Variants in ENDOD1 observed in about 807,000 individuals in gnomAD.
The protein encoded by ENDOD1 is endonuclease domain-containing 1 protein.
A neutral mutation model predicts 6.5 loss-of-function variants in ENDOD1; 9 were observed. The ratio of observed to expected loss-of-function variants is 1.39; its 90% CI spans 0.84 to 2.43. The LOEUF is 2.43. Ranked by LOEUF, ENDOD1 falls within the 30% of genes most tolerant of loss-of-function variation. ENDOD1 has a pLI of 0.00. For missense variants in ENDOD1, 648 were observed against 635.5 expected, an observed-to-expected ratio of 1.02 and a Z score of -0.21; for synonymous variants, 255 against 255.2, an observed-to-expected ratio of 1.00 and a Z score of 0.01.
At chr11:95,106,623 A>G (rs1555111420) in intron 1 of ENDOD1, among the ~76,000 whole-genome samples, 1 of 152,220 alleles carries the variant, frequency 6.6e-6, no homozygotes, top group Non-Finnish European at 1.5e-5. Context: ...CACATGTTAC[A>G]TGATCAGAAT....
Position 95,129,624 on chromosome 11 carries a change from G to T in ENDOD1, c.*45G>T. 6.4e-7 allele frequency: 1 copy of T among 1,558,496 alleles called. No homozygotes were observed. The highest frequency in any genetic ancestry group is 1.2e-5 in the South Asian group (1 of 81,488). ...TCCAGTCACAGTGAATTTGAAAGCT[G>T]GAATAGTTTGTCTTTACAATGGGTT... On this transcript the variant is annotated 3_prime_UTR_variant, in exon 2 of 2. Coordinates refer to ENST00000278505, the MANE Select transcript of ENDOD1 (RefSeq NM_015036.3).
In ENDOD1 at chr11:95,119,646, C is replaced by T. The variant is rs528057686; in HGVS notation, c.301-8731C>T. 2.9e-4 allele frequency among the ~76,000 whole-genome samples: 44 copies of T among 152,330 alleles called. 1 individual carries two copies. The highest frequency in any genetic ancestry group is 2.6e-3 in the Admixed American group (40 of 15,304). On this transcript the variant is annotated intron_variant, in intron 1 of 1. Transcript: ENST00000278505. ...AGCACAGTACTTGGTTCATCCACAG[C>T]CTGCTGTAACCACTCCCTGGCTACT...
intron 1 of ENDOD1, among the ~76,000 whole-genome samples, chr11:95,099,754 A>T (rs569631492): frequency 6.6e-6 from 1 of 152,296 alleles, no homozygotes; most frequent in African/African-American, 2.4e-5. Flanking sequence ...ATTTGTCCCT[A>T]TACCGACTTT....
At position 95,093,578 on chromosome 11, in the gene ENDOD1, A is replaced by G. The variant is rs1555110047; in HGVS notation, c.300+3351A>G. On this transcript the variant is annotated intron_variant, in intron 1 of 1. Coordinates refer to ENST00000278505, the MANE Select transcript of ENDOD1 (RefSeq NM_015036.3). ...CTTATGTATCTGTCTCCCCAACTTG[A>G]GCCCTTGAGGAATGATGATTGCATC... is the stretch of plus-strand genomic sequence containing the variant. Among the ~76,000 whole-genome samples the G allele has an allele frequency of 4.6e-5, 7 of 152,306 alleles. 1 individual carries two copies. The highest frequency in any genetic ancestry group is 1.4e-4 in the African/African-American group (6 of 41,554).
chr11:95,112,640 A>G (rs782231583), intron 1 of ENDOD1, among the ~76,000 whole-genome samples: 2 of 152,204 alleles, frequency 1.3e-5, no homozygotes, highest in South Asian at 2.1e-4. Context: ...CTAAAGCTTT[A>G]CTGACCTATC....
chr11:95,122,310 C>T (rs1233438347), intron 1 of ENDOD1, among the ~76,000 whole-genome samples: 1 of 152,014 alleles, frequency 6.6e-6, no homozygotes, highest in Non-Finnish European at 1.5e-5. Context: ...CAACCTCCAC[C>T]TCCCTGAGTT....
At chr11:95,092,600 C>T (rs1418972335) in intron 1 of ENDOD1, among the ~76,000 whole-genome samples, 1 of 152,170 alleles carries the variant, frequency 6.6e-6, no homozygotes, top group Non-Finnish European at 1.5e-5. Context: ...GTCACTGTGG[C>T]TGAGCACTGC....
chr11:95,121,133 T>A (rs540326145), intron 1 of ENDOD1, among the ~76,000 whole-genome samples: 1 of 152,364 alleles, frequency 6.6e-6, no homozygotes, highest in African/African-American at 2.4e-5. Flanking sequence ...GACCAGGTAC[T>A]GTGAGTGCTT....
chr11:95,094,573 G>T (rs12283556), intron 1 of ENDOD1, among the ~76,000 whole-genome samples: 12,750 of 152,264 alleles, frequency 0.084, 856 homozygotes, highest in African/African-American at 0.18. Flanking sequence ...GGCACAGTGA[G>T]GTCTTACTTC....
chr11:95,132,063 T>A lies in ENDOD1; in HGVS notation c.*2484T>A, dbSNP rs1295216344. 6.5e-6 allele frequency: 1 copy of A among 152,720 alleles called. No homozygotes were observed. Among genetic ancestry groups the A allele is most frequent in the Non-Finnish European group, 1.5e-5 (1 of 68,090 alleles). The allele number at this position is 152,720 out of a possible 1,614,324, so 9.5% of individuals were successfully genotyped here. On this transcript the variant is annotated 3_prime_UTR_variant, in exon 2 of 2. Coordinates refer to ENST00000278505, the MANE Select transcript of ENDOD1 (RefSeq NM_015036.3). ...CTGGCCTGTTCCTAATGAGCTACGC[T>A]GGGCTTTGAGGTAGAGGTTGGGGTT...
At position 95,129,499 on chromosome 11, in the gene ENDOD1, G is replaced by A. The variant is rs780376389; in HGVS notation, c.1423G>A (p.Gly475Ser). ...CTTTGACACTGCTTTTGGTACCCTG[G>A]GTGGCCTATTTCAGGTGGTTTTTAG... ...LLFDTAFGTL[G>S]GLFQVVFSVC... Residue 475 changes from glycine to serine, a missense_variant, in exon 2 of 2, where the codon GGT becomes AGT. Transcript: ENST00000278505. The A allele has an allele frequency of 3.1e-6, 5 of 1,614,158 alleles. No homozygotes were observed. Among genetic ancestry groups the A allele is most frequent in the Non-Finnish European group, 4.2e-6 (5 of 1,180,016 alleles).
rs1482569114 is a variant in ENDOD1, at chr11:95,132,027, T to TGGCTGGAC, written c.*2449_*2456dup. On this transcript the variant is annotated 3_prime_UTR_variant, in exon 2 of 2. Transcript: ENST00000278505. ...GCATTGGACGTGAAGCCACAGCAGG[T>TGGCTGGAC]GGCTGGACTGCTGGCCTGTTCCTAA... is the stretch of plus-strand genomic sequence containing the variant. 2.0e-5 allele frequency: 3 copies of TGGCTGGAC among 152,668 alleles called. No individual in the cohort carries two copies. The highest frequency in any genetic ancestry group is 6.5e-5 in the Admixed American group (1 of 15,284). The allele number at this position is 152,668 out of a possible 1,614,324, so 9.5% of individuals were successfully genotyped here. A position where few individuals can be genotyped will look rare whatever the true frequency, so the allele number is the denominator to read the frequency against.
At chr11:95,120,874 G>T (rs938157973) in intron 1 of ENDOD1, among the ~76,000 whole-genome samples, 1 of 152,160 alleles carries the variant, frequency 6.6e-6, no homozygotes, top group Admixed American at 6.5e-5. Flanking sequence ...CTCTGGCTAG[G>T]GCTGGTTTAA....
intron 1 of ENDOD1, among the ~76,000 whole-genome samples, chr11:95,103,139 T>G (rs1178695043): frequency 1.5e-5 from 2 of 135,936 alleles, no homozygotes; most frequent in African/African-American, 2.8e-5. Context: ...GTGTGTGTGT[T>G]TCCTCTCAGT....
chr11:95,107,597 A>T (rs1429598736), intron 1 of ENDOD1, among the ~76,000 whole-genome samples: 1 of 152,192 alleles, frequency 6.6e-6, no homozygotes, highest in Non-Finnish European at 1.5e-5. Context: ...AAACCAAAGA[A>T]GACCAGGGCT....
At position 95,091,417 on chromosome 11, in the gene ENDOD1, T is replaced by C. The variant is rs1038508244; in HGVS notation, c.300+1190T>C. The stretch of plus-strand genomic sequence containing the variant: ...CTTATCTTCCTCACATCCTTCCACC[T>C]ACCTCAACTGTTGATAACACTTGTC... On this transcript the variant is annotated intron_variant, in intron 1 of 1. Coordinates refer to ENST00000278505, the MANE Select transcript of ENDOD1 (RefSeq NM_015036.3). Among the ~76,000 whole-genome samples, 7 of 152,244 alleles carry C rather than the reference T, an allele frequency of 4.6e-5. No homozygotes were observed. The East Asian group carries it at 1.3e-3, about 29-fold the overall frequency.
intron 1 of ENDOD1, among the ~76,000 whole-genome samples, chr11:95,126,428 C>T (rs1286696953): frequency 6.6e-6 from 1 of 152,016 alleles, no homozygotes; most frequent in Non-Finnish European, 1.5e-5. Flanking sequence ...TTGAAAGTAA[C>T]ACATATTATG....
chr11:95,114,224 T>G (rs1172038434), intron 1 of ENDOD1, among the ~76,000 whole-genome samples: 1 of 152,190 alleles, frequency 6.6e-6, no homozygotes, highest in African/African-American at 2.4e-5. Context: ...TCAAGTGATC[T>G]TCTCACCTCA....
chr11:95,127,338 A>G (rs1369677506), intron 1 of ENDOD1, among the ~76,000 whole-genome samples: 1 of 152,254 alleles, frequency 6.6e-6, no homozygotes, highest in East Asian at 1.9e-4. Flanking sequence ...GAACCAAGAA[A>G]GGATGTATAT....
Sources: allele counts gnomAD v4.1 joint callset (sites outside exome capture counted in the v4.1 genomes callset), GRCh38; gene constraint gnomAD v4.1.1; transcripts MANE v1.5; gene names NCBI Gene and HGNC (gene_info 2026-07-23, HGNC 2026-07-21).